APTX: variants seen among roughly 807,000 people sequenced by gnomAD.
APTX encodes aprataxin.
APTX carries 33 observed loss-of-function variants against 42.3 expected under a neutral mutation model. That is an observed-to-expected ratio of 0.78 (90% CI 0.59 to 1.04). APTX has a LOEUF of 1.04. Ranked by LOEUF, APTX falls within the 50% of genes least tolerant of loss-of-function variation. APTX has a pLI of 0.00. For synonymous variants in APTX, 130 were observed against 146.7 expected, an observed-to-expected ratio of 0.89 and a Z score of 0.82; for missense variants, 421 against 415.1, an observed-to-expected ratio of 1.01 and a Z score of -0.12.
upstream of APTX, among the ~76,000 whole-genome samples, chr9:33,004,627 A>G (rs561100119): frequency 4.2e-3 from 552 of 130,658 alleles, 5 homozygotes; most frequent in African/African-American, 0.015. Context: ...ATTCTTGCCA[A>G]CCCTTTTTTT....
intron 6 of APTX, among the ~76,000 whole-genome samples, chr9:32,981,075 T>C (rs1273261932): frequency 6.6e-6 from 1 of 152,202 alleles, no homozygotes; most frequent in East Asian, 1.9e-4. Flanking sequence ...AACTATACTA[T>C]AGTAACCTAG....
chr9:33,006,860 C>T (rs1434678057), intron 1 of APTX, among the ~76,000 whole-genome samples: 1 of 151,634 alleles, frequency 6.6e-6, no homozygotes, highest in African/African-American at 2.4e-5. Flanking sequence ...ATTAGCCGGG[C>T]AAGGTGGCGG....
At chr9:33,008,640 C>G (rs1837327479) in intron 1 of APTX, among the ~76,000 whole-genome samples, 1 of 152,062 alleles carries the variant, frequency 6.6e-6, no homozygotes, top group African/African-American at 2.4e-5. Context: ...CAACCTCCAC[C>G]TCCCTGGTTC....
intron 1 of APTX, among the ~76,000 whole-genome samples, chr9:33,024,438 G>C (rs920654134): frequency 1.3e-5 from 2 of 152,218 alleles, no homozygotes; most frequent in Non-Finnish European, 2.9e-5. Flanking sequence ...GTTGCAGATT[G>C]TACATCCAGG....
intron 1 of APTX, among the ~76,000 whole-genome samples, chr9:32,999,332 A>G (rs1835715843): frequency 6.6e-6 from 1 of 152,228 alleles, no homozygotes; most frequent in Non-Finnish European, 1.5e-5. Context: ...AATACTCACT[A>G]AAACAGTTTG....
intron 1 of APTX, among the ~76,000 whole-genome samples, chr9:33,014,323 T>C (rs79496321): frequency 3.6e-3 from 540 of 151,372 alleles, no homozygotes; most frequent in African/African-American, 0.012. Flanking sequence ...CTGGCCTCAC[T>C]CCCATATTTG....
At chr9:32,994,145 T>C (rs1181618027) in intron 1 of APTX, among the ~76,000 whole-genome samples, 1 of 152,254 alleles carries the variant, frequency 6.6e-6, no homozygotes, top group Non-Finnish European at 1.5e-5. Context: ...CAAATAGTGC[T>C]GTCCAATAGA....
At chr9:33,024,863 G>A (rs1385755978) in intron 1 of APTX, 1 of 27,366 alleles carries the variant, frequency 3.7e-5, no homozygotes, top group Non-Finnish European at 8.4e-5. Context: ...CCCGTAAGAG[G>A]GGGGGGGGGG....
At chr9:33,016,669 T>C (rs1401767897) in intron 1 of APTX, among the ~76,000 whole-genome samples, 8 of 147,646 alleles carry the variant, frequency 5.4e-5, no homozygotes, top group Non-Finnish European at 1.0e-4. Flanking sequence ...TGCATTACAC[T>C]CCCCCCCCCA....
rs1554664833 is a variant in APTX, at chr9:32,986,049, A to AC, written c.484-20_484-19insG. The AC allele has an allele frequency of 1.7e-3, 1,115 of 664,432 alleles. 18 individuals are homozygous for AC. The highest frequency in any genetic ancestry group is 3.5e-3 in the South Asian group (193 of 54,998). The allele number at this position is 664,432 out of a possible 1,614,324, so 41.2% of individuals were successfully genotyped here. ...GGGATTCCTAAAAAAAAAACAAAAA[A>AC]AAAAACAAAAAAAAAAAAAAACAAG... On this transcript the variant is annotated intron_variant, in intron 4 of 7. Coordinates refer to ENST00000379817, the MANE Select transcript of APTX (RefSeq NM_001195248.2).
Position 32,972,961 on chromosome 9 carries a change from G to A in APTX, c.*537C>T, listed in dbSNP as rs1398287593. 2.2e-6 allele frequency: 1 copy of A among 453,982 alleles called. No homozygotes were observed. The highest frequency in any genetic ancestry group is 4.4e-6 in the Non-Finnish European group (1 of 226,808). The allele number at this position is 453,982 out of a possible 1,614,324, so 28.1% of individuals were successfully genotyped here. A position where few individuals can be genotyped will look rare whatever the true frequency, so the allele number is the denominator to read the frequency against. ...GAATTCCTGAGAAGGGAACATTTAG[G>A]TAATCTGGGATAGAAGGGCATGGAA... On this transcript the variant is annotated 3_prime_UTR_variant, in exon 8 of 8. Coordinates refer to ENST00000379817, the MANE Select transcript of APTX (RefSeq NM_001195248.2).
chr9:32,999,487 T>A (rs1185607045), intron 1 of APTX, among the ~76,000 whole-genome samples: 1 of 152,022 alleles, frequency 6.6e-6, no homozygotes, highest in African/African-American at 2.4e-5. Context: ...AAATGACAAA[T>A]GAAAACAAGG....
At chr9:32,975,122 C>A (rs1038468771) in intron 6 of APTX, among the ~76,000 whole-genome samples, 1 of 152,012 alleles carries the variant, frequency 6.6e-6, no homozygotes, top group African/African-American at 2.4e-5. Flanking sequence ...AAGCTCAGTG[C>A]AACCAAGAAA....
intron 6 of APTX, chr9:32,980,463 G>A (rs1353564856): frequency 6.5e-6 from 1 of 154,706 alleles, no homozygotes; most frequent in African/African-American, 2.4e-5. Flanking sequence ...GTGTAAAACT[G>A]AGGTGGAAAG....
chr9:33,016,000 T>C (rs887309405), intron 1 of APTX: 5 of 152,216 alleles, frequency 3.3e-5, no homozygotes, highest in Non-Finnish European at 7.3e-5. Context: ...AATAATTATC[T>C]AGAAGATGTA....
chr9:32,989,980 G>A, intron 1 of APTX, 85 bp from the exon 2 acceptor site: 4 of 1,515,428 alleles, frequency 2.6e-6, no homozygotes, highest in Non-Finnish European at 3.6e-6. Flanking sequence ...CACCACGCAT[G>A]TGATCTACCA....
intron 1 of APTX, among the ~76,000 whole-genome samples, chr9:33,017,935 C>A (rs918398151): frequency 6.4e-5 from 6 of 93,342 alleles, no homozygotes; most frequent in South Asian, 3.9e-4. Flanking sequence ...AGCGCCCCCC[C>A]CCCCCTCCCA....
chr9:32,974,345 A>G (rs1828804058), intron 7 of APTX, 113 bp downstream of exon 7: 1 of 745,668 alleles, frequency 1.3e-6, no homozygotes, highest in Non-Finnish European at 2.4e-6. Context: ...TAGGGAACAC[A>G]AAGTTGTACA....
intron 1 of APTX, chr9:33,019,662 G>A (rs1838206842): frequency 1.1e-5 from 5 of 440,944 alleles, no homozygotes; most frequent in Non-Finnish European, 2.1e-5. Context: ...CCTAGGAGGA[G>A]ACGCAAGGTT....
Sources: gnomAD v4.1 joint callset for allele counts (sites outside exome capture counted in the v4.1 genomes callset) on GRCh38, gnomAD v4.1.1 for gene constraint, MANE v1.5 for transcripts, NCBI Gene and HGNC (gene_info 2026-07-23, HGNC 2026-07-21) for gene names.